ACACB: variants seen among roughly 807,000 people sequenced by gnomAD.
The protein encoded by ACACB is acetyl-CoA carboxylase beta.
Under a neutral mutation model 278.8 loss-of-function variants are expected in ACACB, and 209 were observed. That is an observed-to-expected ratio of 0.75 (90% CI 0.67 to 0.84). The LOEUF (loss-of-function observed/expected upper bound fraction) is 0.84. ACACB is among the 40% of genes least tolerant of loss of function. The pLI is 0.00. For synonymous variants in ACACB, 1,174 were observed against 1,285.6 expected, an observed-to-expected ratio of 0.91 and a Z score of 1.86; for missense variants, 2,850 against 3,269.0, an observed-to-expected ratio of 0.87 and a Z score of 3.13.
In ACACB at chr12:109,176,052, G is replaced by A. The variant is rs1555213110; in HGVS notation, c.1326+12G>A. 8.1e-6 allele frequency: 13 copies of A among 1,613,726 alleles called. No homozygotes were observed. The highest frequency in any genetic ancestry group is 1.1e-5 in the Non-Finnish European group (13 of 1,179,602). ...ATGAGGGCTTGGAGGTAAATGCAGA[G>A]CCTGTGGGGGCCAGGGGAGCCAGAA... On this transcript the variant is annotated intron_variant, in intron 8 of 52. Coordinates refer to ENST00000338432, the MANE Select transcript of ACACB (RefSeq NM_001093.4).
At chr12:109,156,221 C>T (rs189250956) in intron 2 of ACACB, among the ~76,000 whole-genome samples, 11 of 152,210 alleles carry the variant, frequency 7.2e-5, no homozygotes, top group African/African-American at 2.6e-4. Context: ...GGCAACATAG[C>T]AAGACCCCAT....
At chr12:109,264,185 A>G (rs772334649) in intron 49 of ACACB, 47 bp from the exon 50 acceptor site, 30 of 1,605,724 alleles carry the variant, frequency 1.9e-5, no homozygotes, top group Non-Finnish European at 2.5e-5. Flanking sequence ...ACCCCATCAC[A>G]TATGACCAGC....
chr12:109,259,964 G>A, intron 47 of ACACB: 1 of 853,644 alleles, frequency 1.2e-6, no homozygotes, highest in Non-Finnish European at 1.7e-6. Context: ...GTTAAGAACA[G>A]GACCAACCTC....
intron 19 of ACACB, 133 bp from the exon 20 acceptor site, chr12:109,206,575 CTT>C: frequency 1.8e-6 from 2 of 1,104,906 alleles, no homozygotes; most frequent in Non-Finnish European, 1.3e-6. Context: ...AGTTCATTGT[CTT>C]TGATTTTTTC....
chr12:109,133,577 G>C (rs868094182), intron 1 of ACACB, among the ~76,000 whole-genome samples: 2 of 151,786 alleles, frequency 1.3e-5, no homozygotes, highest in Non-Finnish European at 1.5e-5. Flanking sequence ...TTTTTAACTG[G>C]GGTAGAGGGA....
At chr12:109,235,719 C>A in intron 33 of ACACB, 72 bp downstream of exon 33, 1 of 1,405,102 alleles carries the variant, frequency 7.1e-7, no homozygotes, top group Non-Finnish European at 9.9e-7. Context: ...GGGATGGGGC[C>A]GGGTGTGGTG....
At chr12:109,214,665 T>C (rs1402134855) in intron 22 of ACACB, among the ~76,000 whole-genome samples, 13 of 152,246 alleles carry the variant, frequency 8.5e-5, no homozygotes, top group Non-Finnish European at 1.6e-4. Flanking sequence ...CAGAGTCTTT[T>C]AGCATCTTGG....
At position 109,179,111 on chromosome 12, in the gene ACACB, G is replaced by A. The variant is rs527807341; in HGVS notation, c.1461G>A (p.Ser487=). 6.0e-5 allele frequency: 96 copies of A among 1,613,314 alleles called. No homozygotes were observed. Among genetic ancestry groups the A allele is most frequent in the Admixed American group, 1.2e-4 (7 of 59,934 alleles). ...FRQVQSEIPG[S]PIFLMKLAQH... ...AGGTACAGAGTGAGATCCCAGGCTC[G>A]CCCATCTTTCTCATGAAGCTGGCCC... is the stretch of plus-strand genomic sequence containing the variant. Residue 487 remains serine, a synonymous_variant, in exon 10 of 53, where the codon TCG becomes TCA. Coordinates refer to ENST00000338432, the MANE Select transcript of ACACB (RefSeq NM_001093.4).
chr12:109,213,743 G>A (rs775619556), intron 22 of ACACB, among the ~76,000 whole-genome samples: 54 of 151,966 alleles, frequency 3.6e-4, no homozygotes, highest in African/African-American at 8.7e-4. Context: ...AACTACGGGC[G>A]CCCAACACCA....
upstream of ACACB, among the ~76,000 whole-genome samples, chr12:109,111,780 G>A (rs1008644561): frequency 1.3e-5 from 2 of 152,088 alleles, no homozygotes; most frequent in Non-Finnish European, 2.9e-5. Flanking sequence ...AATGCATCCA[G>A]CCAGAACCTC....
intron 1 of ACACB, among the ~76,000 whole-genome samples, chr12:109,130,992 T>C (rs16939972): frequency 0.54 from 81,407 of 151,924 alleles, 23,635 homozygotes; most frequent in Middle Eastern, 0.72. Context: ...AGGGCTGTTG[T>C]GATTACAGGA....
At position 109,241,090 on chromosome 12, in the gene ACACB, G is replaced by A. The variant is rs2136668524; in HGVS notation, c.4831G>A (p.Val1611Met). ...TGTTTTGGGGCAGATCGAGGAGTCC[G>A]TGCGCTACATGGTTATGCGCTACGG... ...IMDPFKIEES[V>M]RYMVMRYGSR... is the part of the protein sequence containing the mutation. Residue 1611 changes from valine (V) to methionine (M), a missense_variant, in exon 36 of 53, where the codon GTG becomes ATG. Around this residue, in one of 3 missense-constraint regions of ACACB, gnomAD observed 2,265 missense variants for 2,561.3 expected, o/e 0.88. Coordinates refer to ENST00000338432, the MANE Select transcript of ACACB (RefSeq NM_001093.4). 1 of 1,614,056 alleles carries A rather than the reference G, an allele frequency of 6.2e-7. No homozygotes were observed. Among genetic ancestry groups the A allele is most frequent in the African/African-American group, 1.3e-5 (1 of 75,030 alleles).
chr12:109,213,680 C>T (rs1298390671), intron 22 of ACACB, among the ~76,000 whole-genome samples: 1 of 152,026 alleles, frequency 6.6e-6, no homozygotes, highest in Non-Finnish European at 1.5e-5. Flanking sequence ...CTGCAAGCTC[C>T]GCCTCCCGGG....
chr12:109,247,827 C>A, intron 40 of ACACB, 124 bp downstream of exon 40: 1 of 735,990 alleles, frequency 1.4e-6, no homozygotes, highest in Non-Finnish European at 2.3e-6. Context: ...GGAACCAATG[C>A]CTGTTGGGGG....
At chr12:109,228,012 C>T (rs185320378) in intron 28 of ACACB, among the ~76,000 whole-genome samples, 56 of 128,836 alleles carry the variant, frequency 4.3e-4, no homozygotes, top group Admixed American at 3.3e-3. Flanking sequence ...CCAGCCTGGG[C>T]GAAGAAGCGA....
In ACACB at chr12:109,252,145, G is replaced by C; in HGVS notation, c.5890G>C (p.Ala1964Pro). 6.2e-7 allele frequency: 1 copy of C among 1,610,956 alleles called. No individual in the cohort carries two copies. The highest frequency in any genetic ancestry group is 8.5e-7 in the Non-Finnish European group (1 of 1,178,656). The change falls in exon 42 of 53, where the codon GCT becomes CCT. Residue 1964 changes from alanine to proline, a missense_variant. By Grantham distance (27) the Ala-to-Pro change is conservative (BLOSUM62 -1). This residue lies in a region of ACACB where 579 missense variants were observed against 684.6 expected (regional missense o/e 0.85). Transcript: ENST00000338432. ...CCACATCATCCTCACAGGAGCAAGT[G>C]CTCTCAACAAGGTGACCAAAAAGGG... is the stretch of plus-strand genomic sequence containing the variant. ...NSHIILTGAS[A>P]LNKVLGREVY...
intron 1 of ACACB, among the ~76,000 whole-genome samples, chr12:109,128,329 T>TA (rs2042732787): frequency 6.6e-6 from 1 of 151,952 alleles, no homozygotes; most frequent in Admixed American, 6.6e-5. Flanking sequence ...TTTTGGACTT[T>TA]TTTTATTTTA....
At chr12:109,256,432 G>A (rs759871516) in intron 45 of ACACB, among the ~76,000 whole-genome samples, 196 bp downstream of exon 45, 6 of 152,182 alleles carry the variant, frequency 3.9e-5, no homozygotes, top group Non-Finnish European at 8.8e-5. Context: ...GCCTCCTCCT[G>A]AGGCCTGGGA....
In ACACB at chr12:109,199,516, C is replaced by T; in HGVS notation, c.2742C>T (p.Gly914=). The change falls in exon 18 of 53, where the codon GGC becomes GGT. Residue 914 remains glycine (G), a synonymous_variant. Transcript: ENST00000338432. ...KLTQYTVEDG[G]HVEAGSSYAE... is the part of the protein sequence containing the mutation. ...CACAGTACACAGTGGAGGATGGGGG[C>T]CACGTTGAGGCTGGGAGCAGCTACG... 1 of 1,522,312 alleles carries T rather than the reference C, an allele frequency of 6.6e-7. No individual in the cohort carries two copies. Among genetic ancestry groups the T allele is most frequent in the Non-Finnish European group, 8.8e-7 (1 of 1,131,850 alleles). 94.3% of individuals were successfully genotyped at this position (1,522,312 alleles called of 1,614,324 possible). A position where few individuals can be genotyped will look rare whatever the true frequency, so the allele number is the denominator to read the frequency against.
Sources: allele counts gnomAD v4.1 joint callset (sites outside exome capture counted in the v4.1 genomes callset), GRCh38; gene constraint gnomAD v4.1.1; regional missense constraint gnomAD v4.1.1; transcripts MANE v1.5; gene names NCBI Gene and HGNC (gene_info 2026-07-23, HGNC 2026-07-21).